The following FAF1 variants were observed in gnomAD, a reference collection of about 807,000 sequenced individuals.
The protein encoded by FAF1 is Fas associated factor 1.
A neutral mutation model predicts 92.5 loss-of-function variants in FAF1; 25 were observed. The observed-to-expected ratio is 0.27, with a 90% confidence interval of 0.20 to 0.38. FAF1 has a LOEUF of 0.38. FAF1 is among the 10% of genes least tolerant of loss of function. The probability of loss-of-function intolerance (pLI) is 1.00; values close to 1 mark genes in which losing one functional copy is unlikely to be tolerated. For synonymous variants in FAF1, 234 were observed against 273.2 expected, an observed-to-expected ratio of 0.86 and a Z score of 1.42; for missense variants, 636 against 793.3, an observed-to-expected ratio of 0.80 and a Z score of 2.38.
chr1:50,750,648 C>T (rs1277083541), intron 4 of FAF1, among the ~76,000 whole-genome samples: 14 of 132,734 alleles, frequency 1.1e-4, no homozygotes, highest in East Asian at 2.2e-4. Context: ...TCATTTGAAA[C>T]AGTATCTCTC....
At chr1:50,822,133 T>G (rs1457839982) in intron 2 of FAF1, among the ~76,000 whole-genome samples, 3 of 151,714 alleles carry the variant, frequency 2.0e-5, no homozygotes, top group African/African-American at 7.3e-5. Flanking sequence ...AGTTCTAATT[T>G]GATTTTTTTT....
chr1:50,457,625 T>G (rs113199665), intron 18 of FAF1, among the ~76,000 whole-genome samples: 5 of 149,344 alleles, frequency 3.3e-5, no homozygotes, highest in Non-Finnish European at 5.9e-5. Flanking sequence ...TGGTGGCTCA[T>G]GCCTGTAATC....
intron 7 of FAF1, among the ~76,000 whole-genome samples, chr1:50,663,140 A>G (rs1367563955): frequency 6.6e-6 from 1 of 151,810 alleles, no homozygotes; most frequent in Non-Finnish European, 1.5e-5. Context: ...GCTTTCTGAA[A>G]AACACAAGTT....
At chr1:50,505,137 T>A (rs568244598) in intron 15 of FAF1, among the ~76,000 whole-genome samples, 1 of 152,198 alleles carries the variant, frequency 6.6e-6, no homozygotes, top group South Asian at 2.1e-4. Context: ...AGGAAAGACA[T>A]GAATGGGGGA....
chr1:50,584,466 G>A (rs1572849973), intron 10 of FAF1, among the ~76,000 whole-genome samples: 1 of 152,002 alleles, frequency 6.6e-6, no homozygotes, highest in Non-Finnish European at 1.5e-5. Context: ...ACACTACCTT[G>A]CATTTTTAAT....
chr1:50,862,023 A>C (rs992940845), intron 1 of FAF1, among the ~76,000 whole-genome samples: 4 of 151,836 alleles, frequency 2.6e-5, no homozygotes. Flanking sequence ...TAAGACAGGA[A>C]CCACTTATGA....
intron 1 of FAF1, among the ~76,000 whole-genome samples, chr1:50,936,748 A>G (rs1645088233): frequency 3.3e-5 from 5 of 152,224 alleles, no homozygotes; most frequent in Admixed American, 2.6e-4. Flanking sequence ...GATGCGGTAG[A>G]GTGGAAAGGA....
intron 2 of FAF1, among the ~76,000 whole-genome samples, chr1:50,837,328 CT>C (rs1258917800): frequency 6.6e-6 from 1 of 152,054 alleles, no homozygotes; most frequent in Non-Finnish European, 1.5e-5. Context: ...ATTTAGTTGT[CT>C]TTTCTCTTGG....
chr1:50,551,668 C>T (rs1479663134), intron 13 of FAF1, among the ~76,000 whole-genome samples: 5 of 152,242 alleles, frequency 3.3e-5, no homozygotes, highest in African/African-American at 1.2e-4. Context: ...CATCAGCATT[C>T]CATAAATTTT....
At chr1:50,540,759 C>A (rs549792330) in intron 13 of FAF1, among the ~76,000 whole-genome samples, 7 of 152,096 alleles carry the variant, frequency 4.6e-5, no homozygotes, top group Admixed American at 2.0e-4. Context: ...TATGAAAGAC[C>A]AAATGCAAAT....
chr1:50,799,477 T>A (rs1661891657), intron 3 of FAF1, among the ~76,000 whole-genome samples: 1 of 151,980 alleles, frequency 6.6e-6, no homozygotes, highest in Admixed American at 6.6e-5. Flanking sequence ...AGAAAAGCTA[T>A]AAGGCACACA....
intron 1 of FAF1, among the ~76,000 whole-genome samples, chr1:50,910,911 C>A (rs184521489): frequency 4.6e-5 from 7 of 152,080 alleles, no homozygotes; most frequent in African/African-American, 1.4e-4. Context: ...GTGAGATGAA[C>A]CTGGTACCTC....
intron 1 of FAF1, among the ~76,000 whole-genome samples, chr1:50,870,327 T>C (rs890785957): frequency 1.3e-5 from 2 of 152,182 alleles, no homozygotes; most frequent in African/African-American, 4.8e-5. Context: ...CATGGCAGCA[T>C]GTGCCTGTAG....
At chr1:50,710,620 C>T (rs553729333) in intron 6 of FAF1, among the ~76,000 whole-genome samples, 4 of 147,090 alleles carry the variant, frequency 2.7e-5, no homozygotes, top group East Asian at 2.0e-4. Context: ...TTTTTTTTTT[C>T]GAGACAGAGT....
At chr1:50,594,892 A>G (rs1311220161) in intron 9 of FAF1, among the ~76,000 whole-genome samples, 1 of 148,912 alleles carries the variant, frequency 6.7e-6, no homozygotes, top group East Asian at 2.0e-4. Context: ...AAAAAATTAT[A>G]TATATATATA....
At chr1:50,573,131 A>C (rs1471990261) in intron 12 of FAF1, among the ~76,000 whole-genome samples, 1 of 149,722 alleles carries the variant, frequency 6.7e-6, no homozygotes, top group African/African-American at 2.5e-5. Context: ...TTTGAGACAG[A>C]GTGTTGCTCT....
chr1:50,738,443 CAAA>C (rs533056212), intron 6 of FAF1, among the ~76,000 whole-genome samples: 9 of 79,068 alleles, frequency 1.1e-4, no homozygotes, highest in African/African-American at 1.7e-4. Flanking sequence ...AACTCCGTCG[CAAA>C]AAAAAAAAAA....
At chr1:50,887,274 T>C (rs1463093182) in intron 1 of FAF1, among the ~76,000 whole-genome samples, 1 of 152,216 alleles carries the variant, frequency 6.6e-6, no homozygotes, top group Non-Finnish European at 1.5e-5. Flanking sequence ...TTCTGGATAT[T>C]AGCCCTTTGT....
chr1:50,945,418 G>A (rs1645166224), intron 1 of FAF1, among the ~76,000 whole-genome samples: 1 of 152,188 alleles, frequency 6.6e-6, no homozygotes, highest in Non-Finnish European at 1.5e-5. Context: ...CCATGCCACT[G>A]GCTTCTCTCA....
Sources: gnomAD v4.1 joint callset for allele counts (sites outside exome capture counted in the v4.1 genomes callset) on GRCh38, gnomAD v4.1.1 for gene constraint, MANE v1.5 for transcripts, NCBI Gene and HGNC (gene_info 2026-07-23, HGNC 2026-07-21) for gene names.